The following RTTN variants were observed in gnomAD, a reference collection of about 807,000 sequenced individuals.
RTTN encodes the protein rotatin.
A neutral mutation model predicts 269.2 loss-of-function variants in RTTN; 182 were observed. The observed-to-expected ratio is 0.68, with a 90% CI of 0.60 to 0.76. The LOEUF is 0.76. Ranked by LOEUF, RTTN falls within the 30% of genes least tolerant of loss-of-function variation. The pLI is 0.00. For synonymous variants in RTTN, 1,006 were observed against 963.5 expected (o/e 1.04, Z -0.82); for missense variants, 2,545 against 2,608.6 (o/e 0.98, Z 0.53).
At chr18:70,174,711 G>GT (rs2061241120) in intron 11 of RTTN, among the ~76,000 whole-genome samples, 1 of 149,088 alleles carries the variant, frequency 6.7e-6, no homozygotes, top group South Asian at 2.1e-4. Context: ...ATAAGAAATG[G>GT]TTAAAAAAAA....
At chr18:70,181,046 A>T (rs1239697115) in intron 10 of RTTN, among the ~76,000 whole-genome samples, 1 of 152,214 alleles carries the variant, frequency 6.6e-6, no homozygotes, top group Non-Finnish European at 1.5e-5. Context: ...CCAGTTATCA[A>T]TTCACAATCT....
chr18:70,073,458 G>A (rs2058349147), intron 34 of RTTN, among the ~76,000 whole-genome samples: 1 of 152,102 alleles, frequency 6.6e-6, no homozygotes, highest in Non-Finnish European at 1.5e-5. Flanking sequence ...CTGCCCTTAA[G>A]CACAATTTCA....
chr18:70,052,747 A>T (rs1210883172), intron 38 of RTTN, among the ~76,000 whole-genome samples: 2 of 151,118 alleles, frequency 1.3e-5, no homozygotes, highest in East Asian at 3.9e-4. Context: ...TTTAAAACTT[A>T]TTTTTTTCAG....
chr18:70,031,407 C>A, intron 40 of RTTN: 2 of 398,584 alleles, frequency 5.0e-6, no homozygotes, highest in Middle Eastern at 6.3e-4. Context: ...TCTATCTAAA[C>A]TACCCCTATA....
chr18:70,144,796 A>T (rs1305785822), intron 18 of RTTN, among the ~76,000 whole-genome samples: 4 of 152,190 alleles, frequency 2.6e-5, no homozygotes, highest in Admixed American at 2.6e-4. Flanking sequence ...ACAAACAAAA[A>T]AACCGACTGT....
chr18:70,028,293 C>T (rs756046222), intron 43 of RTTN, among the ~76,000 whole-genome samples: 36 of 152,006 alleles, frequency 2.4e-4, no homozygotes, highest in Non-Finnish European at 4.4e-4. Context: ...AACTTCCTCT[C>T]GGTGGATGTG....
chr18:70,124,434 C>T (rs568667786), intron 25 of RTTN, among the ~76,000 whole-genome samples: 15 of 152,140 alleles, frequency 9.9e-5, no homozygotes, highest in African/African-American at 3.6e-4. Flanking sequence ...AGCCACATGA[C>T]AATCAGGGTA....
intron 18 of RTTN, among the ~76,000 whole-genome samples, chr18:70,144,782 A>G (rs2060346867): frequency 6.6e-6 from 1 of 152,146 alleles, no homozygotes; most frequent in Non-Finnish European, 1.5e-5. Context: ...TAAAAAGCAA[A>G]CAAACAAACA....
intron 25 of RTTN, among the ~76,000 whole-genome samples, chr18:70,126,418 A>G (rs1436828836): frequency 2.0e-5 from 3 of 152,060 alleles, no homozygotes; most frequent in African/African-American, 7.2e-5. Context: ...GAGAGTGCTG[A>G]CTTATTGTGT....
At position 70,017,514 on chromosome 18, in the gene RTTN, AG is replaced by A; in HGVS notation, c.6313del (p.Leu2105Ter). ...ILRLDGCLDLLTEMSKYKHKS... is the reference protein window; with the variant it reads ...ILRLDGCLDLXTEMSKYKHKS... The stretch of plus-strand genomic sequence containing the variant: ...GTGCTTGTATTTGCTCATCTCTGTT[AG>A]TAAGTCTAGACAGCCATCAAGCCTC... On this transcript the variant is annotated frameshift_variant, in exon 46 of 49. Coordinates refer to ENST00000640769, the MANE Select transcript of RTTN (RefSeq NM_173630.4). LOFTEE classifies it high-confidence loss of function. 6.2e-7 allele frequency: 1 copy of A among 1,614,088 alleles called. No homozygotes were observed. The highest frequency in any genetic ancestry group is 1.1e-5 in the South Asian group (1 of 91,080).
chr18:70,031,989 T>A (rs1343254692), intron 40 of RTTN, among the ~76,000 whole-genome samples: 2 of 152,164 alleles, frequency 1.3e-5, no homozygotes, highest in South Asian at 4.1e-4. Context: ...AAGGAACCCC[T>A]GGACCACCAT....
At chr18:70,038,657 A>G (rs1843960424) in intron 40 of RTTN, among the ~76,000 whole-genome samples, 1 of 152,218 alleles carries the variant, frequency 6.6e-6, no homozygotes, top group Non-Finnish European at 1.5e-5. Flanking sequence ...TAACTCTTCA[A>G]TGTCCAGATA....
At chr18:70,023,610 C>T (rs1333423718) in intron 44 of RTTN, among the ~76,000 whole-genome samples, 2 of 152,098 alleles carry the variant, frequency 1.3e-5, no homozygotes, top group African/African-American at 4.8e-5. Flanking sequence ...TCCTACCTCC[C>T]ACAACAGGTA....
chr18:70,104,937 C>T (rs546583821), intron 28 of RTTN, among the ~76,000 whole-genome samples: 14 of 152,194 alleles, frequency 9.2e-5, no homozygotes, highest in Non-Finnish European at 1.8e-4. Flanking sequence ...TTAGGCTACT[C>T]GGGGGTTGGG....
intron 40 of RTTN, among the ~76,000 whole-genome samples, chr18:70,042,856 C>T (rs903861523): frequency 6.6e-6 from 1 of 152,170 alleles, no homozygotes; most frequent in African/African-American, 2.4e-5. Context: ...TACCTTTTCT[C>T]TGAAAGCTAA....
rs73970819 is a variant in RTTN, at chr18:70,024,987, C to T, written c.5824-139G>A. The T allele has an allele frequency of 4.4e-3, 3,978 of 911,808 alleles. 104 individuals are homozygous for T. The African/African-American group carries it at 0.057, about 13-fold the overall frequency. 56.5% of individuals were successfully genotyped at this position (911,808 alleles called of 1,614,324 possible). On this transcript the variant is annotated intron_variant, in intron 43 of 48. Transcript: ENST00000640769. ...TGGCTTCAGCATCCTGCCCCAGCCCCATTGGGCTCCACACATGGCTGCCCT... is the reference window on the plus strand; with the variant it reads ...TGGCTTCAGCATCCTGCCCCAGCCCTATTGGGCTCCACACATGGCTGCCCT...
At chr18:70,144,730 C>A (rs2060345814) in intron 18 of RTTN, among the ~76,000 whole-genome samples, 1 of 152,152 alleles carries the variant, frequency 6.6e-6, no homozygotes, top group African/African-American at 2.4e-5. Flanking sequence ...TGTCATAAAG[C>A]CCTGAACATT....
At chr18:70,127,421 C>T in intron 25 of RTTN, 81 bp downstream of exon 25, 3 of 1,504,388 alleles carry the variant, frequency 2.0e-6, no homozygotes, top group Non-Finnish European at 2.7e-6. Context: ...GGCATAGACT[C>T]TTATCTTCAA....
chr18:70,154,475 T>A (rs955324837), intron 14 of RTTN, among the ~76,000 whole-genome samples: 5 of 152,118 alleles, frequency 3.3e-5, no homozygotes, highest in Non-Finnish European at 7.4e-5. Flanking sequence ...ATAATAACTA[T>A]CCCAAATACA....
Sources: gnomAD v4.1 joint callset for allele counts (sites outside exome capture counted in the v4.1 genomes callset) on GRCh38, gnomAD v4.1.1 for gene constraint, MANE v1.5 for transcripts, NCBI Gene and HGNC (gene_info 2026-07-23, HGNC 2026-07-21) for gene names.